TCF7L2: variants seen among roughly 807,000 people sequenced by gnomAD.
TCF7L2 encodes transcription factor 7 like 2, also known as transcription factor 7-like 2.
A neutral mutation model predicts 77.9 loss-of-function variants in TCF7L2; 23 were observed. The observed-to-expected ratio is 0.30, with a 90% CI of 0.21 to 0.42. TCF7L2 has a LOEUF of 0.42. Among genes scored for constraint, TCF7L2 ranks in the 10% least tolerant of loss-of-function variants. TCF7L2 has a pLI of 1.00. For missense variants in TCF7L2, 654 were observed against 793.1 expected, an observed-to-expected ratio of 0.82 and a Z score of 2.11; for synonymous variants, 413 against 340.2, an observed-to-expected ratio of 1.21 and a Z score of -2.36.
chr10:112,964,814 G>GTGGTGGTGATGGTGGT (rs1400096451), intron 4 of TCF7L2, among the ~76,000 whole-genome samples, 190 bp downstream of exon 4: 1 of 116,110 alleles, frequency 8.6e-6, no homozygotes, highest in South Asian at 2.4e-4. Flanking sequence ...GGTGGTGGTG[G>GTGGTGGTGATGGTGGT]GGGGGGGTTG....
chr10:113,060,561 G>T (rs2134863949), intron 5 of TCF7L2, among the ~76,000 whole-genome samples: 1 of 152,200 alleles, frequency 6.6e-6, no homozygotes. Flanking sequence ...TTCTCTCCAA[G>T]CGAGGGGTTT....
At chr10:113,088,933 A>G (rs1403780925) in intron 5 of TCF7L2, among the ~76,000 whole-genome samples, 2 of 151,524 alleles carry the variant, frequency 1.3e-5, no homozygotes, top group African/African-American at 2.4e-5. Flanking sequence ...GCAAGACCCC[A>G]TCTCTTAGAA....
intron 4 of TCF7L2, among the ~76,000 whole-genome samples, chr10:112,991,739 C>T (rs2042588620): frequency 6.6e-6 from 1 of 152,116 alleles, no homozygotes; most frequent in Non-Finnish European, 1.5e-5. Context: ...TCGGTCTGTT[C>T]AGCTGTAGCT....
chr10:113,077,199 A>C (rs2058780231), intron 5 of TCF7L2, among the ~76,000 whole-genome samples: 1 of 152,216 alleles, frequency 6.6e-6, no homozygotes, highest in Non-Finnish European at 1.5e-5. Flanking sequence ...TAAAATGGGA[A>C]TAATAATTCT....
chr10:113,106,439 A>C (rs2062330311), intron 5 of TCF7L2, among the ~76,000 whole-genome samples: 1 of 152,206 alleles, frequency 6.6e-6, no homozygotes, highest in African/African-American at 2.4e-5. Context: ...TAATTTTGTG[A>C]ACCATTCCTG....
rs141998416 is a variant in TCF7L2, at chr10:113,094,088, C to T, written c.553-47096C>T. On this transcript the variant is annotated intron_variant, in intron 5 of 13. Transcript: ENST00000627217. ...TTGCATTTTTTGGGGTGTGTGTGCG[C>T]GTGCACGCGCATGTGTGTTTTTTCA... Among the ~76,000 whole-genome samples the T allele has an allele frequency of 2.5e-3, 376 of 152,258 alleles. 3 individuals carry two copies. Among genetic ancestry groups the T allele is most frequent in the African/African-American group, 7.0e-3 (292 of 41,544 alleles).
intron 4 of TCF7L2, among the ~76,000 whole-genome samples, chr10:113,037,534 A>T (rs1188303724): frequency 6.6e-6 from 1 of 152,236 alleles, no homozygotes; most frequent in Non-Finnish European, 1.5e-5. Context: ...ATGTGGGCTC[A>T]TAAAAATATG....
intron 4 of TCF7L2, among the ~76,000 whole-genome samples, chr10:113,024,697 G>A (rs930496151): frequency 1.4e-5 from 2 of 141,872 alleles, no homozygotes; most frequent in Admixed American, 7.7e-5. Flanking sequence ...TCGGCTCACT[G>A]CAACCTCTAC....
At chr10:113,112,020 C>G (rs1167974156) in intron 5 of TCF7L2, among the ~76,000 whole-genome samples, 1 of 152,112 alleles carries the variant, frequency 6.6e-6, no homozygotes, top group Non-Finnish European at 1.5e-5. Context: ...TACTAAGATG[C>G]CTGGTTGCAT....
intron 5 of TCF7L2, among the ~76,000 whole-genome samples, chr10:113,127,470 G>C (rs2065839853): frequency 6.6e-6 from 1 of 152,142 alleles, no homozygotes; most frequent in African/African-American, 2.4e-5. Context: ...ATGTAAATGA[G>C]CAGTTCCTCC....
In TCF7L2 at chr10:113,029,260, C is replaced by T. The variant is rs12265110; in HGVS notation, c.451-10765C>T. 6.6e-3 allele frequency among the ~76,000 whole-genome samples: 1,009 copies of T among 152,174 alleles called. 9 individuals carry two copies. The highest frequency in any genetic ancestry group is 0.023 in the African/African-American group (949 of 41,514). ...TTTTAGCCACATGCCTTGAAACAGT[C>T]CTCTTTCCCATGTTTCTTCATCAGC... is the stretch of plus-strand genomic sequence containing the variant. On this transcript the variant is annotated intron_variant, in intron 4 of 13. Transcript: ENST00000627217.
chr10:113,051,578 GC>G (rs1309555234), intron 5 of TCF7L2, among the ~76,000 whole-genome samples: 15 of 152,180 alleles, frequency 9.9e-5, no homozygotes, highest in Admixed American at 8.5e-4. Context: ...GAGCACGCAT[GC>G]TTTCTTTAAG....
At chr10:113,098,832 A>G (rs1011662427) in intron 5 of TCF7L2, among the ~76,000 whole-genome samples, 2 of 152,242 alleles carry the variant, frequency 1.3e-5, no homozygotes, top group African/African-American at 4.8e-5. Flanking sequence ...AGGACACAGA[A>G]CAGCTCCATC....
At position 113,145,496 on chromosome 10, in the gene TCF7L2, C is replaced by T. The variant is rs116217796; in HGVS notation, c.789-515C>T. 3.9e-3 allele frequency among the ~76,000 whole-genome samples: 599 copies of T among 152,186 alleles called. 1 individual carries two copies. The highest frequency in any genetic ancestry group is 0.013 in the African/African-American group (547 of 41,518). On this transcript the variant is annotated intron_variant, in intron 7 of 13. Transcript: ENST00000627217. The stretch of plus-strand genomic sequence containing the variant: ...CAATTCTTCTTGGGGACTCTCCCCC[C>T]GGTAACTCTTGTCAACACTTGTTAA...
intron 8 of TCF7L2, among the ~76,000 whole-genome samples, chr10:113,147,065 G>C (rs1279312214): frequency 6.6e-6 from 1 of 152,150 alleles, no homozygotes; most frequent in African/African-American, 2.4e-5. Flanking sequence ...AAACTGGTTG[G>C]CAGCAGTATG....
At chr10:112,997,918 AT>A (rs2043785704) in intron 4 of TCF7L2, among the ~76,000 whole-genome samples, 1 of 152,078 alleles carries the variant, frequency 6.6e-6, no homozygotes, top group East Asian at 1.9e-4. Flanking sequence ...GTATCTGTAA[AT>A]TTCTTCAAAT....
chr10:113,004,864 G>A (rs879006454), intron 4 of TCF7L2, among the ~76,000 whole-genome samples: 1 of 152,160 alleles, frequency 6.6e-6, no homozygotes, highest in East Asian at 1.9e-4. Flanking sequence ...AGTAGAGATG[G>A]GGTTCCACCG....
intron 3 of TCF7L2, among the ~76,000 whole-genome samples, chr10:112,963,458 T>C (rs774965038): frequency 3.3e-5 from 5 of 152,242 alleles, no homozygotes; most frequent in Non-Finnish European, 5.9e-5. Context: ...GGTAGTTTAT[T>C]ATAATACTAC....
intron 13 of TCF7L2, among the ~76,000 whole-genome samples, chr10:113,163,192 C>G (rs1369313687): frequency 6.6e-6 from 1 of 152,118 alleles, no homozygotes; most frequent in East Asian, 1.9e-4. Context: ...GATCTGGAAA[C>G]TTCCACGTCA....
Sources: gnomAD v4.1 joint callset for allele counts (sites outside exome capture counted in the v4.1 genomes callset) on GRCh38, gnomAD v4.1.1 for gene constraint, MANE v1.5 for transcripts, NCBI Gene and HGNC (gene_info 2026-07-23, HGNC 2026-07-21) for gene names.